LGR5: variants seen among roughly 807,000 people sequenced by gnomAD.
LGR5 encodes the protein leucine rich repeat containing G protein-coupled receptor 5.
Under a neutral mutation model 76.7 loss-of-function variants are expected in LGR5, and 54 were observed. The observed-to-expected ratio is 0.70, with a 90% CI of 0.57 to 0.88. The LOEUF (loss-of-function observed/expected upper bound fraction) is 0.88, where lower values mean the gene tolerates loss of function less well. LGR5 is among the 40% of genes least tolerant of loss of function. The pLI, the probability that LGR5 is intolerant of heterozygous loss-of-function variation, is 0.00. For synonymous variants in LGR5, 406 were observed against 421.9 expected (o/e 0.96, Z 0.46); for missense variants, 1,078 against 1,073.3 (o/e 1.00, Z -0.06).
chr12:71,584,281 G>A lies in LGR5; in HGVS notation c.2271G>A (p.Glu757=). Residue 757 remains glutamate (E), a synonymous_variant, in exon 18 of 18, where the codon GAG becomes GAA. Transcript: ENST00000266674. ...GCAATTTGGACAAGGGAGACCTGGAGAATATTTGGGACTGCTCTATGGTAA... is the reference window on the plus strand; with the variant it reads ...GCAATTTGGACAAGGGAGACCTGGAAAATATTTGGGACTGCTCTATGGTAA... ...LYCNLDKGDL[E]NIWDCSMVKH... is the part of the protein sequence containing the mutation. The A allele has an allele frequency of 6.2e-7, 1 of 1,614,202 alleles. No homozygotes were observed. Among genetic ancestry groups the A allele is most frequent in the Non-Finnish European group, 8.5e-7 (1 of 1,180,020 alleles).
At chr12:71,450,785 C>T (rs897411432) in intron 1 of LGR5, among the ~76,000 whole-genome samples, 2 of 152,118 alleles carry the variant, frequency 1.3e-5, no homozygotes, top group African/African-American at 2.4e-5. Context: ...TAGCAGTTTC[C>T]TGTCATGGTC....
chr12:71,499,039 C>T (rs957028389), intron 1 of LGR5, among the ~76,000 whole-genome samples: 18 of 152,180 alleles, frequency 1.2e-4, no homozygotes, highest in African/African-American at 4.1e-4. Context: ...CCGATCTGCA[C>T]ATTTATGAGG....
intron 6 of LGR5, among the ~76,000 whole-genome samples, chr12:71,558,933 G>C (rs190580003): frequency 6.6e-6 from 1 of 152,306 alleles, no homozygotes; most frequent in Admixed American, 6.5e-5. Flanking sequence ...GGCCTTGAGG[G>C]ATAACATAGA....
chr12:71,523,514 G>A (rs1225084384), intron 2 of LGR5, among the ~76,000 whole-genome samples: 2 of 152,080 alleles, frequency 1.3e-5, no homozygotes, highest in Non-Finnish European at 2.9e-5. Context: ...AAGGGCAAAG[G>A]TATATTGAGT....
intron 1 of LGR5, among the ~76,000 whole-genome samples, chr12:71,459,569 G>T (rs570876057): frequency 4.6e-5 from 7 of 152,198 alleles, no homozygotes; most frequent in African/African-American, 1.7e-4. Context: ...CTATTCAACT[G>T]ATATTTGTTC....
At chr12:71,472,023 G>A (rs1360865752) in intron 1 of LGR5, among the ~76,000 whole-genome samples, 3 of 152,110 alleles carry the variant, frequency 2.0e-5, no homozygotes, top group African/African-American at 7.2e-5. Flanking sequence ...GGCGGTGAGG[G>A]ATAAAAGACG....
At chr12:71,480,541 C>A (rs1269276755) in intron 1 of LGR5, among the ~76,000 whole-genome samples, 1 of 152,034 alleles carries the variant, frequency 6.6e-6, no homozygotes, top group Non-Finnish European at 1.5e-5. Flanking sequence ...GCCCATAGGA[C>A]AAGCATTCTC....
chr12:71,498,339 A>T (rs943739149), intron 1 of LGR5, among the ~76,000 whole-genome samples: 8 of 152,210 alleles, frequency 5.3e-5, no homozygotes, highest in Non-Finnish European at 1.2e-4. Context: ...ACAACAAATT[A>T]GCATAAACTG....
chr12:71,515,576 C>G (rs1233143270), intron 2 of LGR5, among the ~76,000 whole-genome samples: 2 of 152,000 alleles, frequency 1.3e-5, no homozygotes, highest in African/African-American at 4.8e-5. Context: ...AGAAGGAAAA[C>G]AGTACCAGAA....
chr12:71,499,964 T>C (rs567221876), intron 1 of LGR5, among the ~76,000 whole-genome samples: 236 of 152,018 alleles, frequency 1.6e-3, no homozygotes, highest in African/African-American at 4.8e-3. Context: ...GTACAAGGGC[T>C]TAACCAAAGG....
intron 1 of LGR5, among the ~76,000 whole-genome samples, chr12:71,488,098 T>C (rs1873913329): frequency 6.6e-6 from 1 of 152,222 alleles, no homozygotes. Flanking sequence ...CAGATGACTA[T>C]ATAGGCAGCA....
chr12:71,523,167 G>A (rs1875808675), intron 2 of LGR5, among the ~76,000 whole-genome samples: 1 of 151,892 alleles, frequency 6.6e-6, no homozygotes. Flanking sequence ...AGTGGCAATG[G>A]GACACACATT....
intron 2 of LGR5, among the ~76,000 whole-genome samples, chr12:71,507,831 A>T (rs987350327): frequency 1.6e-4 from 25 of 151,978 alleles, no homozygotes; most frequent in African/African-American, 6.0e-4. Flanking sequence ...TATTCAGCTC[A>T]TTTTTGTGCT....
chr12:71,494,700 A>G (rs751291865), intron 1 of LGR5, among the ~76,000 whole-genome samples: 16 of 150,928 alleles, frequency 1.1e-4, no homozygotes, highest in Non-Finnish European at 2.1e-4. Flanking sequence ...ACAAACCCAT[A>G]ATATCCTGTC....
At chr12:71,561,177 G>A (rs537603438) in intron 7 of LGR5, among the ~76,000 whole-genome samples, 8 of 152,294 alleles carry the variant, frequency 5.3e-5, no homozygotes, top group Middle Eastern at 3.4e-3. Context: ...TAGCTGGGCA[G>A]TGGCTTCATG....
At chr12:71,544,222 A>C (rs895794908) in intron 4 of LGR5, among the ~76,000 whole-genome samples, 2 of 145,832 alleles carry the variant, frequency 1.4e-5, no homozygotes, top group Non-Finnish European at 3.0e-5. Flanking sequence ...TGTAGACTTT[A>C]TCTCTCCCCA....
intron 1 of LGR5, among the ~76,000 whole-genome samples, chr12:71,490,478 C>G (rs548314126): frequency 1.3e-5 from 2 of 152,218 alleles, no homozygotes; most frequent in African/African-American, 4.8e-5. Context: ...TTACAATATT[C>G]GAGATGGAGA....
At chr12:71,552,965 G>A in intron 4 of LGR5, 108 bp from the exon 5 acceptor site, 1 of 927,696 alleles carries the variant, frequency 1.1e-6, no homozygotes, top group Admixed American at 2.1e-5. Context: ...GGGGACCCCA[G>A]GCCCTGTTCC....
intron 5 of LGR5, among the ~76,000 whole-genome samples, chr12:71,556,015 TC>T (rs1207562573): frequency 6.6e-6 from 1 of 152,192 alleles, no homozygotes; most frequent in African/African-American, 2.4e-5. Flanking sequence ...CAAGATCATG[TC>T]CTTTGCAGGA....
Sources: gnomAD v4.1 joint callset for allele counts (sites outside exome capture counted in the v4.1 genomes callset) on GRCh38, gnomAD v4.1.1 for gene constraint, MANE v1.5 for transcripts, NCBI Gene and HGNC (gene_info 2026-07-23, HGNC 2026-07-21) for gene names.